The following ACAN variants were observed in gnomAD, a reference collection of about 807,000 sequenced individuals.
ACAN encodes aggrecan core protein.
In ACAN, 47 loss-of-function variants were observed where a neutral mutation model predicts 169.1. The observed-to-expected ratio is 0.28, with a 90% CI of 0.22 to 0.35. ACAN has a LOEUF of 0.35. Ranked by LOEUF, ACAN falls within the 10% of genes least tolerant of loss-of-function variation. The probability of loss-of-function intolerance (pLI) is 1.00; values close to 1 mark genes in which losing one functional copy is unlikely to be tolerated. For missense variants in ACAN, 2,716 were observed against 2,759.9 expected (o/e 0.98, Z 0.36); for synonymous variants, 1,115 against 1,112.2 (o/e 1.00, Z -0.05).
Position 88,838,615 on chromosome 15 carries a change from T to C in ACAN, c.71-48T>C. ...GATGGATGGGGAGGCGGGGTGGTCCTCTCTAGGCACTAACAGGTCTCTCTT... is the reference window on the plus strand; with the variant it reads ...GATGGATGGGGAGGCGGGGTGGTCCCCTCTAGGCACTAACAGGTCTCTCTT... On this transcript the variant is annotated intron_variant, in intron 2 of 18. Transcript: ENST00000560601. The surrounding 1 kb of genome is among the most constrained non-coding windows in gnomAD (Gnocchi z 5.1). 6.5e-7 allele frequency: 1 copy of C among 1,539,712 alleles called. No homozygotes were observed. Among genetic ancestry groups the C allele is most frequent in the Non-Finnish European group, 8.8e-7 (1 of 1,141,336 alleles).
chr15:88,811,922 C>T (rs569449404), intron 1 of ACAN, among the ~76,000 whole-genome samples: 1 of 151,868 alleles, frequency 6.6e-6, no homozygotes, highest in East Asian at 2.0e-4. Flanking sequence ...CCCCATCCCC[C>T]TAAAGCAGCC....
Position 88,874,655 on chromosome 15 carries a change from C to T in ACAN, c.*174C>T. The T allele has an allele frequency of 1.4e-6, 1 of 710,284 alleles. No individual in the cohort carries two copies. The highest frequency in any genetic ancestry group is 2.5e-6 in the Non-Finnish European group (1 of 397,614). 44.0% of individuals were successfully genotyped at this position (710,284 alleles called of 1,614,324 possible). On this transcript the variant is annotated 3_prime_UTR_variant, in exon 19 of 19. Transcript: ENST00000560601. The surrounding 1 kb of genome is among the most constrained non-coding windows in gnomAD (Gnocchi z 7.3). ...TATGCACCCACTCACCCCTCCAAATCAGCAAAACCGCATCTAATTTGTCCG... is the reference window on the plus strand; with the variant it reads ...TATGCACCCACTCACCCCTCCAAATTAGCAAAACCGCATCTAATTTGTCCG...
Position 88,847,945 on chromosome 15 carries a change from G to C in ACAN, c.1639G>C (p.Gly547Arg). The C allele has an allele frequency of 6.2e-7, 1 of 1,613,852 alleles. No individual in the cohort carries two copies. The highest frequency in any genetic ancestry group is 1.1e-5 in the South Asian group (1 of 91,044). ...TGTGAGCCCCCGGACCCCATGCGTG[G>C]GTGACAAGGACAGCAGCCCAGGGGT... The part of the protein sequence containing the change: ...PIVSPRTPCV[G>R]DKDSSPGVRT... The change falls in exon 9 of 19, where the codon GGT becomes CGT. Residue 547 changes from glycine (G) to arginine (R), a missense_variant. Around this residue, in one of 3 missense-constraint regions of ACAN, gnomAD observed 1,283 missense variants for 1,281.5 expected, o/e 1.00. Transcript: ENST00000560601.
chr15:88,851,566 C>G lies in ACAN; in HGVS notation c.2027-228C>G. 2.0e-6 allele frequency: 1 copy of G among 508,754 alleles called. No individual in the cohort carries two copies. The highest frequency in any genetic ancestry group is 3.5e-6 in the Non-Finnish European group (1 of 287,686). The allele number at this position is 508,754 out of a possible 1,614,324, so 31.5% of individuals were successfully genotyped here. ...TGCCCGGCATATATGGTCAATTCTG[C>G]AGGGGAGATGCCCCAGATCACTGGA... is the stretch of plus-strand genomic sequence containing the variant. On this transcript the variant is annotated intron_variant, in intron 10 of 18. Coordinates refer to ENST00000560601, the MANE Select transcript of ACAN (RefSeq NM_001369268.1). This position sits in a 1 kb window ranked among gnomAD's most constrained non-coding sequence, Gnocchi z 4.3.
At position 88,834,610 on chromosome 15, in the gene ACAN, C is replaced by T. The variant is rs560411586; in HGVS notation, c.-7-1590C>T. On this transcript the variant is annotated intron_variant, in intron 1 of 18. Transcript: ENST00000560601. ...TTTTCTTTAGTCCCAGATCCTCCAT[C>T]CGCTCCAAGGTTCCCTCCCTCTGTG... Among the ~76,000 whole-genome samples, 25 of 152,370 alleles carry T rather than the reference C, an allele frequency of 1.6e-4. No individual in the cohort carries two copies. In the South Asian group the frequency reaches 5.2e-3, roughly 32 times the overall value.
At chr15:88,865,506 A>G (rs1023705997) in intron 13 of ACAN, among the ~76,000 whole-genome samples, 1 of 152,228 alleles carries the variant, frequency 6.6e-6, no homozygotes, top group African/African-American at 2.4e-5. Context: ...TGTAAATGGC[A>G]TAGTGACGTC....
In ACAN at chr15:88,873,925, C is replaced by T. The variant is rs149099819; in HGVS notation, c.7531C>T (p.Arg2511Trp). ...KDRYEINSLV[R>W]YQCTEGFVQR... is the part of the protein sequence containing the mutation. ...CCGGTATGAGATCAATTCCCTGGTGCGGTACCAGTGCACAGAGGGGTTTGT... is the reference window on the plus strand; with the variant it reads ...CCGGTATGAGATCAATTCCCTGGTGTGGTACCAGTGCACAGAGGGGTTTGT... Residue 2511 changes from arginine to tryptophan, a missense_variant, in exon 18 of 19, where the codon CGG (arginine) becomes TGG (tryptophan). Coordinates refer to ENST00000560601, the MANE Select transcript of ACAN (RefSeq NM_001369268.1). This position sits in a 1 kb window ranked among gnomAD's most constrained non-coding sequence, Gnocchi z 7.5. 6.8e-5 allele frequency: 110 copies of T among 1,613,752 alleles called. No homozygotes were observed. The highest frequency in any genetic ancestry group is 3.0e-4 in the Admixed American group (18 of 60,030).
Position 88,845,734 on chromosome 15 carries a change from T to G in ACAN, c.1281T>G (p.Thr427=). The G allele has an allele frequency of 6.2e-7, 1 of 1,613,766 alleles. No individual in the cohort carries two copies. Among genetic ancestry groups the G allele is most frequent in the Non-Finnish European group, 8.5e-7 (1 of 1,179,790 alleles). Residue 427 remains threonine, a synonymous_variant, in exon 7 of 19, where the codon ACT becomes ACG. Transcript: ENST00000560601. ...PFTFAPEIGA[T]AFAEVENETG... ...CGTTTGCCCCTGAAATAGGGGCCAC[T>G]GCCTTCGCTGAGGTTGAGAATGAGA...
rs1359000928 is a variant in ACAN, at chr15:88,819,505, G to A, written c.-8+15696G>A. On this transcript the variant is annotated intron_variant, in intron 1 of 18. Coordinates refer to ENST00000560601, the MANE Select transcript of ACAN (RefSeq NM_001369268.1). ...TGGCTGGATTCAGGGACTCATGCCTGTAATCCCAACACTTTGGAAGGTTGA... is the reference window on the plus strand; with the variant it reads ...TGGCTGGATTCAGGGACTCATGCCTATAATCCCAACACTTTGGAAGGTTGA... Among the ~76,000 whole-genome samples, 6 of 150,964 alleles carry A rather than the reference G, an allele frequency of 4.0e-5. No individual in the cohort carries two copies. In the South Asian group the frequency reaches 1.0e-3, roughly 26 times the overall value.
chr15:88,840,032 G>A lies in ACAN; in HGVS notation c.475G>A (p.Ala159Thr). Residue 159 changes from alanine (A) to threonine (T), a missense_variant, in exon 4 of 19, where the codon GCC becomes ACC. Transcript: ENST00000560601. ...TGCAGGCATCGTGTTCCATTACAGA[G>A]CCATCTCTACACGCTACACCCTCGA... Reference protein sequence around the residue: ...VVKGIVFHYRAISTRYTLDFD... With the variant: ...VVKGIVFHYRTISTRYTLDFD... 2 of 1,601,448 alleles carry A rather than the reference G, an allele frequency of 1.2e-6. No individual in the cohort carries two copies. The highest frequency in any genetic ancestry group is 1.7e-6 in the Non-Finnish European group (2 of 1,173,582).
At position 88,847,891 on chromosome 15, in the gene ACAN, C is replaced by T. The variant is rs1237753370; in HGVS notation, c.1605-20C>T. ...CCCCTGGAACAGGCCTTCATCTTCT[C>T]CTCCCACTCTCCTTTGCAGATACCC... On this transcript the variant is annotated intron_variant, in intron 8 of 18. Transcript: ENST00000560601. The T allele has an allele frequency of 1.2e-6, 2 of 1,611,824 alleles. No individual in the cohort carries two copies. The highest frequency in any genetic ancestry group is 1.7e-4 in the Middle Eastern group (1 of 5,984).
Position 88,831,458 on chromosome 15 carries a change from C to T in ACAN, c.-7-4742C>T, listed in dbSNP as rs747089758. 1.3e-4 allele frequency among the ~76,000 whole-genome samples: 20 copies of T among 152,386 alleles called. 3 individuals are homozygous for T. The South Asian group carries it at 3.5e-3, about 27-fold the overall frequency. On this transcript the variant is annotated intron_variant, in intron 1 of 18. Transcript: ENST00000560601. ...GCCTCCAGTCCCATCCTCAGCCCTC[C>T]GCCCCCCAAGGCCTAGGGTTGAAGG...
intron 1 of ACAN, among the ~76,000 whole-genome samples, chr15:88,835,389 G>T (rs564346863): frequency 2.0e-5 from 3 of 151,676 alleles, no homozygotes; most frequent in East Asian, 3.9e-4. Context: ...ACACACATAC[G>T]CACACAGACA....
At chr15:88,842,815 C>T (rs1896699440) in intron 5 of ACAN, among the ~76,000 whole-genome samples, 1 of 152,170 alleles carries the variant, frequency 6.6e-6, no homozygotes. Context: ...TTACCCTTAC[C>T]CCTGACACAA....
At chr15:88,810,635 G>C (rs1248093587) in intron 1 of ACAN, among the ~76,000 whole-genome samples, 2 of 152,170 alleles carry the variant, frequency 1.3e-5, no homozygotes. Flanking sequence ...CAGGAATGTA[G>C]TAAATGTTTT....
intron 1 of ACAN, among the ~76,000 whole-genome samples, chr15:88,825,434 A>G (rs1411864399): frequency 6.6e-6 from 1 of 152,216 alleles, no homozygotes; most frequent in Non-Finnish European, 1.5e-5. Context: ...TTCTGGCCAA[A>G]GGTGCCAAGA....
At chr15:88,829,960 G>A (rs1376017589) in intron 1 of ACAN, among the ~76,000 whole-genome samples, 2 of 152,156 alleles carry the variant, frequency 1.3e-5, no homozygotes, top group Non-Finnish European at 1.5e-5. Context: ...AAAATTGGGT[G>A]CTAAACAGTG....
At chr15:88,836,339 G>C in intron 2 of ACAN, 63 bp downstream of exon 2, 1 of 1,402,354 alleles carries the variant, frequency 7.1e-7, no homozygotes, top group Non-Finnish European at 1.0e-6. Flanking sequence ...TTTGAGTACT[G>C]GGTACTGAAC....
rs759731578 is a variant in ACAN, at chr15:88,872,882, A to C, written c.7304A>C (p.Gln2435Pro). The change falls in exon 17 of 19, where the codon CAA becomes CCA. Residue 2435 changes from glutamine to proline, a missense_variant and splice_region_variant. This residue lies in a region of ACAN where 1,389 missense variants were observed against 1,363.7 expected (regional missense o/e 1.02). Coordinates refer to ENST00000560601, the MANE Select transcript of ACAN (RefSeq NM_001369268.1). This position sits in a 1 kb window ranked among gnomAD's most constrained non-coding sequence, Gnocchi z 5.4. ...CTCCTTCCCCACTCCCACCCACAGC[A>C]ATTTGAGAACTGGCGCCCCAACCAG... ...DFRWSDGHPM[Q>P]FENWRPNQPD... 3.7e-6 allele frequency: 6 copies of C among 1,613,286 alleles called. No individual in the cohort carries two copies. In the South Asian group the frequency reaches 6.6e-5, roughly 18 times the overall value.
Sources: allele counts gnomAD v4.1 joint callset (sites outside exome capture counted in the v4.1 genomes callset), GRCh38; gene constraint gnomAD v4.1.1; regional missense constraint gnomAD v4.1.1; non-coding constraint Gnocchi (gnomAD v3.1); transcripts MANE v1.5; gene names NCBI Gene and HGNC (gene_info 2026-07-23, HGNC 2026-07-21).